ELOVL4: variants seen among roughly 807,000 people sequenced by gnomAD.
The protein encoded by ELOVL4 is ELOVL fatty acid elongase 4, also known as very long chain fatty acid elongase 4.
In ELOVL4, 18 loss-of-function variants were observed where a neutral mutation model predicts 42.1. The ratio of observed to expected loss-of-function variants is 0.43; its 90% CI spans 0.30 to 0.63. The LOEUF is 0.63. ELOVL4 is among the 30% of genes least tolerant of loss of function. The pLI is 0.15. For synonymous variants in ELOVL4, 117 were observed against 127.0 expected (o/e 0.92, Z 0.53); for missense variants, 299 against 376.2 (o/e 0.79, Z 1.70).
chr6:79,941,122 T>C (rs1488434836), intron 1 of ELOVL4, among the ~76,000 whole-genome samples: 1 of 152,230 alleles, frequency 6.6e-6, no homozygotes, highest in Non-Finnish European at 1.5e-5. Flanking sequence ...GATAAATGTA[T>C]ATTTATTTGA....
rs1582059318 is a variant in ELOVL4 at position 79,947,342 on chromosome 6, G to A, written c.-63C>T. The A allele has an allele frequency of 1.5e-6, 2 of 1,362,416 alleles. No homozygotes were observed. Among genetic ancestry groups the A allele is most frequent in the East Asian group, 4.8e-5 (2 of 41,752 alleles). The allele number at this position is 1,362,416 out of a possible 1,614,324, so 84.4% of individuals were successfully genotyped here. A position where few individuals can be genotyped will look rare whatever the true frequency, so the allele number is the denominator to read the frequency against. On this transcript the variant is annotated 5_prime_UTR_variant, in exon 1 of 6. Coordinates refer to ENST00000369816, the MANE Select transcript of ELOVL4 (RefSeq NM_022726.4). ...GAGACCCAGAGAGAGGGCTGACCCC[G>A]GAGGCGGTGGCGGCCGACGGGGCGA...
chr6:79,940,267 T>C (rs753916813), intron 1 of ELOVL4, among the ~76,000 whole-genome samples: 5 of 152,194 alleles, frequency 3.3e-5, no homozygotes, highest in Admixed American at 6.5e-5. Flanking sequence ...ATTCCAAAAA[T>C]TTTACTCTAA....
At chr6:79,942,361 A>C (rs1465848892) in intron 1 of ELOVL4, among the ~76,000 whole-genome samples, 2 of 152,244 alleles carry the variant, frequency 1.3e-5, no homozygotes, top group African/African-American at 4.8e-5. Flanking sequence ...GTTTGTTAAC[A>C]GGCAAAATGT....
intron 1 of ELOVL4, among the ~76,000 whole-genome samples, chr6:79,936,504 T>C (rs780221934): frequency 2.6e-5 from 4 of 152,206 alleles, no homozygotes; most frequent in Admixed American, 1.3e-4. Flanking sequence ...TTCTTATAAA[T>C]GTCACGAGGG....
intron 1 of ELOVL4, among the ~76,000 whole-genome samples, chr6:79,930,564 AT>A (rs1182972204): frequency 1.3e-5 from 2 of 152,070 alleles, no homozygotes; most frequent in African/African-American, 4.8e-5. Context: ...TTTCTTTCAT[AT>A]GTTTCCTTTT....
intron 1 of ELOVL4, among the ~76,000 whole-genome samples, chr6:79,942,656 T>C (rs1266963026): frequency 2.0e-5 from 3 of 152,208 alleles, no homozygotes; most frequent in East Asian, 1.9e-4. Context: ...TCTTAAAACT[T>C]TGTCTTCCTA....
At chr6:79,937,130 A>C (rs1774557412) in intron 1 of ELOVL4, among the ~76,000 whole-genome samples, 2 of 152,190 alleles carry the variant, frequency 1.3e-5, no homozygotes, top group Non-Finnish European at 2.9e-5. Flanking sequence ...AAGAGGGGAA[A>C]GCTGCAATGT....
intron 1 of ELOVL4, among the ~76,000 whole-genome samples, chr6:79,946,538 A>T (rs1774745180): frequency 6.6e-6 from 1 of 152,198 alleles, no homozygotes. Context: ...GCAGTGCGCA[A>T]AGCCATTATA....
rs528484460 is a variant in ELOVL4, at chr6:79,915,093, C to A, written c.*1515G>T. 3 of 152,654 alleles carry A rather than the reference C, an allele frequency of 2.0e-5. No homozygotes were observed. In the South Asian group the frequency reaches 6.2e-4, roughly 32 times the overall value. 9.5% of individuals were successfully genotyped at this position (152,654 alleles called of 1,614,324 possible). A position where few individuals can be genotyped will look rare whatever the true frequency, so the allele number is the denominator to read the frequency against. On this transcript the variant is annotated 3_prime_UTR_variant, in exon 6 of 6. Coordinates refer to ENST00000369816, the MANE Select transcript of ELOVL4 (RefSeq NM_022726.4). ...ACAAAATATTCTGAAATAGTTTGTA[C>A]AAACAGCATACATCCTACACATGCA...
chr6:79,941,516 T>C (rs1377317663), intron 1 of ELOVL4, among the ~76,000 whole-genome samples: 1 of 152,200 alleles, frequency 6.6e-6, no homozygotes, highest in Non-Finnish European at 1.5e-5. Context: ...TCATTAAATT[T>C]AGTGAACGGC....
intron 1 of ELOVL4, among the ~76,000 whole-genome samples, chr6:79,946,865 G>C (rs1774751805): frequency 6.6e-6 from 1 of 152,214 alleles, no homozygotes. Context: ...AGCACAGGGT[G>C]GGGCGGCTCC....
At chr6:79,925,466 T>TC (rs1269981892) in intron 2 of ELOVL4, among the ~76,000 whole-genome samples, 9 of 152,336 alleles carry the variant, frequency 5.9e-5, no homozygotes, top group African/African-American at 2.2e-4. Context: ...AAGAAATATT[T>TC]CTTTTTCTAA....
At chr6:79,938,901 G>A (rs1774593057) in intron 1 of ELOVL4, among the ~76,000 whole-genome samples, 1 of 152,170 alleles carries the variant, frequency 6.6e-6, no homozygotes, top group African/African-American at 2.4e-5. Context: ...GAAGACAAGA[G>A]CACTGGGCTA....
intron 1 of ELOVL4, among the ~76,000 whole-genome samples, chr6:79,946,206 T>C (rs1018571505): frequency 6.6e-6 from 1 of 152,224 alleles, no homozygotes; most frequent in Admixed American, 6.5e-5. Flanking sequence ...CCTCGTAAAA[T>C]CATTTCTGAA....
chr6:79,919,743 T>C (rs1053431559), intron 4 of ELOVL4, among the ~76,000 whole-genome samples, 196 bp from the exon 5 acceptor site: 6 of 152,186 alleles, frequency 3.9e-5, no homozygotes, highest in Non-Finnish European at 5.9e-5. Flanking sequence ...AAGTTTAGAT[T>C]TGAGGTTTTA....
chr6:79,931,092 G>C (rs1428081396), intron 1 of ELOVL4, among the ~76,000 whole-genome samples: 1 of 152,100 alleles, frequency 6.6e-6, no homozygotes, highest in Non-Finnish European at 1.5e-5. Context: ...TTTTGGTGGG[G>C]TGGAGGGGGA....
intron 1 of ELOVL4, among the ~76,000 whole-genome samples, chr6:79,934,047 G>T (rs1457860730): frequency 6.6e-6 from 1 of 152,186 alleles, no homozygotes; most frequent in African/African-American, 2.4e-5. Flanking sequence ...GGTGAATGTT[G>T]AACATCTCGC....
In ELOVL4 at chr6:79,915,107, C is replaced by A. The variant is rs1421964729; in HGVS notation, c.*1501G>T. On this transcript the variant is annotated 3_prime_UTR_variant, in exon 6 of 6. Transcript: ENST00000369816. ...AATAGTTTGTACAAACAGCATACAT[C>A]CTACACATGCAGCTTTGACATGTTG... 6.6e-6 allele frequency: 1 copy of A among 152,482 alleles called. No individual in the cohort carries two copies. Among genetic ancestry groups the A allele is most frequent in the Non-Finnish European group, 1.5e-5 (1 of 67,984 alleles). The allele number at this position is 152,482 out of a possible 1,614,324, so 9.4% of individuals were successfully genotyped here. A position where few individuals can be genotyped will look rare whatever the true frequency, so the allele number is the denominator to read the frequency against.
rs1008741604 is a variant in ELOVL4 at position 79,926,462 on chromosome 6, T to C, written c.101-81A>G. 2.9e-6 allele frequency: 4 copies of C among 1,377,828 alleles called. No individual in the cohort carries two copies. In the Admixed American group the frequency reaches 7.9e-5, roughly 27 times the overall value. The allele number at this position is 1,377,828 out of a possible 1,614,324, so 85.4% of individuals were successfully genotyped here. On this transcript the variant is annotated intron_variant, in intron 1 of 5. Coordinates refer to ENST00000369816, the MANE Select transcript of ELOVL4 (RefSeq NM_022726.4). ...TACACTTTTTAGGAATCAAGATGTT[T>C]CAACTTAATTTCCTAATTTGACTAA...
Sources: gnomAD v4.1 joint callset for allele counts (sites outside exome capture counted in the v4.1 genomes callset) on GRCh38, gnomAD v4.1.1 for gene constraint, MANE v1.5 for transcripts, NCBI Gene and HGNC (gene_info 2026-07-23, HGNC 2026-07-21) for gene names.